The following SPHKAP variants were observed in gnomAD, a reference collection of about 807,000 sequenced individuals.
SPHKAP encodes A-kinase anchor protein SPHKAP.
Under a neutral mutation model 137.5 loss-of-function variants are expected in SPHKAP, and 67 were observed. The ratio of observed to expected loss-of-function variants is 0.49; its 90% CI spans 0.40 to 0.60. The LOEUF is 0.60. SPHKAP is among the 20% of genes least tolerant of loss of function. SPHKAP has a pLI of 0.00. For synonymous variants in SPHKAP, 813 were observed against 785.3 expected, an observed-to-expected ratio of 1.04 and a Z score of -0.59; for missense variants, 2,097 against 2,069.3, an observed-to-expected ratio of 1.01 and a Z score of -0.26.
chr2:228,018,566 G>C lies in SPHKAP; in HGVS notation c.2288C>G (p.Thr763Arg). 1 of 1,613,820 alleles carries C rather than the reference G, an allele frequency of 6.2e-7. No homozygotes were observed. Among genetic ancestry groups the C allele is most frequent in the South Asian group, 1.1e-5 (1 of 91,026 alleles). ...PSDPGASQAW[T>R]KATESSSSSP... ...GCTGCTGGAGGATTCAGTGGCTTTTGTCCAAGCTTGACTAGCACCCGGATC... is the reference window on the plus strand; with the variant it reads ...GCTGCTGGAGGATTCAGTGGCTTTTCTCCAAGCTTGACTAGCACCCGGATC... The change falls in exon 7 of 12, where the codon ACA (threonine) becomes AGA (arginine). Residue 763 changes from threonine to arginine, a missense_variant. Physicochemically the swap from Thr to Arg is moderately conservative, Grantham distance 71 (BLOSUM62 -1). Coordinates refer to ENST00000392056, the MANE Select transcript of SPHKAP (RefSeq NM_001142644.2).
At position 228,161,567 on chromosome 2, in the gene SPHKAP, C is replaced by G. The variant is rs189495049; in HGVS notation, c.32+20000G>C. 1.5e-3 allele frequency among the ~76,000 whole-genome samples: 233 copies of G among 152,150 alleles called. 1 individual carries two copies. The highest frequency in any genetic ancestry group is 4.6e-3 in the African/African-American group (191 of 41,512). ...TGTCAGAGGGGTGAGGGAGGGAGAG[C>G]ATCAGGAAAAATACTTAATGCATGC... On this transcript the variant is annotated intron_variant, in intron 1 of 11. Coordinates refer to ENST00000392056, the MANE Select transcript of SPHKAP (RefSeq NM_001142644.2).
intron 3 of SPHKAP, among the ~76,000 whole-genome samples, chr2:228,056,115 C>T (rs982059307): frequency 3.3e-5 from 5 of 152,246 alleles, no homozygotes; most frequent in Non-Finnish European, 7.3e-5. Flanking sequence ...CTGAATCACT[C>T]TCCTACTATT....
At chr2:228,169,602 C>T (rs1345215105) in intron 1 of SPHKAP, 1 of 151,844 alleles carries the variant, frequency 6.6e-6, no homozygotes, top group Non-Finnish European at 1.5e-5. Context: ...GACAATGTAC[C>T]TTGTCACCCA....
At chr2:228,166,734 T>C (rs1158002704) in intron 1 of SPHKAP, among the ~76,000 whole-genome samples, 1 of 152,178 alleles carries the variant, frequency 6.6e-6, no homozygotes, top group Non-Finnish European at 1.5e-5. Flanking sequence ...CTATAAGAGC[T>C]GAGTGTTATT....
chr2:228,013,050 G>A (rs539262170), intron 7 of SPHKAP, among the ~76,000 whole-genome samples: 2 of 152,266 alleles, frequency 1.3e-5, no homozygotes, highest in South Asian at 4.1e-4. Context: ...AAAATTAAGA[G>A]TGCATATGCC....
intron 3 of SPHKAP, among the ~76,000 whole-genome samples, chr2:228,085,248 T>G (rs1203110819): frequency 6.6e-6 from 1 of 152,244 alleles, no homozygotes; most frequent in Admixed American, 6.5e-5. Flanking sequence ...CTGTTAACTT[T>G]AATGTCAGGT....
At chr2:228,045,321 C>T (rs1439488205) in intron 3 of SPHKAP, among the ~76,000 whole-genome samples, 2 of 143,164 alleles carry the variant, frequency 1.4e-5, no homozygotes, top group African/African-American at 2.7e-5. Context: ...CAGCACTATT[C>T]ACTATAGCAA....
At chr2:228,114,096 A>T (rs1014650976) in intron 2 of SPHKAP, among the ~76,000 whole-genome samples, 23 of 152,078 alleles carry the variant, frequency 1.5e-4, no homozygotes, top group African/African-American at 5.1e-4. Flanking sequence ...AAAGAGAAAA[A>T]CTCACCAGGC....
At chr2:228,127,946 TA>T (rs564026671) in intron 2 of SPHKAP, among the ~76,000 whole-genome samples, 1 of 152,066 alleles carries the variant, frequency 6.6e-6, no homozygotes, top group African/African-American at 2.4e-5. Flanking sequence ...ACATTGTAGC[TA>T]AAAAAAATGC....
chr2:228,164,113 A>C (rs1700353654), intron 1 of SPHKAP, among the ~76,000 whole-genome samples: 1 of 152,154 alleles, frequency 6.6e-6, no homozygotes. Flanking sequence ...TCCCTTGCTG[A>C]GTCTTCTGGT....
Position 228,178,320 on chromosome 2 carries a change from G to A in SPHKAP, c.32+3247C>T, listed in dbSNP as rs934137583. Among the ~76,000 whole-genome samples, 8 of 152,152 alleles carry A rather than the reference G, an allele frequency of 5.3e-5. No individual in the cohort carries two copies. In the East Asian group the frequency reaches 5.8e-4, roughly 11 times the overall value. On this transcript the variant is annotated intron_variant, in intron 1 of 11. Coordinates refer to ENST00000392056, the MANE Select transcript of SPHKAP (RefSeq NM_001142644.2). ...TTATTTAATTTCCTTTGGCTTCAGA[G>A]TTTTCAGCTAGGAAATGGAGATGAT...
At position 228,099,910 on chromosome 2, in the gene SPHKAP, C is replaced by T. The variant is rs574990479; in HGVS notation, c.246+8922G>A. Among the ~76,000 whole-genome samples the T allele has an allele frequency of 2.2e-3, 341 of 151,598 alleles. 1 individual carries two copies. The highest frequency in any genetic ancestry group is 3.5e-3 in the Non-Finnish European group (237 of 67,928). On this transcript the variant is annotated intron_variant, in intron 3 of 11. Coordinates refer to ENST00000392056, the MANE Select transcript of SPHKAP (RefSeq NM_001142644.2). ...TGTGGCCCAGGCGGGAGTGCAGTGG[C>T]GCAATCTCGGCTCACTGCAAGCTCC...
At chr2:228,012,568 T>C (rs779413555) in intron 7 of SPHKAP, among the ~76,000 whole-genome samples, 1 of 152,118 alleles carries the variant, frequency 6.6e-6, no homozygotes, top group African/African-American at 2.4e-5. Context: ...TACAATAATA[T>C]TTTTTTGAAA....
intron 11 of SPHKAP, among the ~76,000 whole-genome samples, chr2:227,987,846 C>T (rs1693268634): frequency 6.6e-6 from 1 of 152,140 alleles, no homozygotes; most frequent in African/African-American, 2.4e-5. Flanking sequence ...TAAAATAAAA[C>T]ACATAGACTA....
At chr2:228,004,326 T>C (rs1337101906) in intron 7 of SPHKAP, among the ~76,000 whole-genome samples, 2 of 152,234 alleles carry the variant, frequency 1.3e-5, no homozygotes, top group Non-Finnish European at 2.9e-5. Context: ...CCGTTTCTTC[T>C]AGATTTTCTA....
At chr2:228,131,270 A>C in intron 2 of SPHKAP, 1 of 984,070 alleles carries the variant, frequency 1.0e-6, no homozygotes, top group South Asian at 4.7e-5. Flanking sequence ...GAAATAACTC[A>C]CTGTGATTGC....
chr2:228,129,505 C>A (rs1056619696), intron 2 of SPHKAP, among the ~76,000 whole-genome samples: 1 of 152,004 alleles, frequency 6.6e-6, no homozygotes, highest in African/African-American at 2.4e-5. Flanking sequence ...GTATTTCTCC[C>A]CAAGATCTAA....
At chr2:228,005,385 T>G (rs1438789217) in intron 7 of SPHKAP, among the ~76,000 whole-genome samples, 1 of 152,248 alleles carries the variant, frequency 6.6e-6, no homozygotes, top group East Asian at 1.9e-4. Context: ...CCTGCCTTTT[T>G]TTGTTTTCCA....
chr2:228,092,089 GTGTGTATATATGTATATATACACA>G (rs1697758998), intron 3 of SPHKAP, among the ~76,000 whole-genome samples: 1 of 143,986 alleles, frequency 6.9e-6, no homozygotes, highest in Non-Finnish European at 1.5e-5. Context: ...GTATATATAT[GTGTGTATATATGTATATATACACA>G]TATATACATA....
Sources: gnomAD v4.1 joint callset for allele counts (sites outside exome capture counted in the v4.1 genomes callset) on GRCh38, gnomAD v4.1.1 for gene constraint, MANE v1.5 for transcripts, NCBI Gene and HGNC (gene_info 2026-07-23, HGNC 2026-07-21) for gene names.